CRTC3: variants seen among roughly 807,000 people sequenced by gnomAD.
The protein encoded by CRTC3 is CREB-regulated transcription coactivator 3.
CRTC3 carries 26 observed loss-of-function variants against 74.5 expected under a neutral mutation model. That is an observed-to-expected ratio of 0.35 (90% CI 0.26 to 0.48). The LOEUF is 0.48. CRTC3 is among the 20% of genes least tolerant of loss of function. The pLI is 0.99. For synonymous variants in CRTC3, 377 were observed against 325.8 expected, an observed-to-expected ratio of 1.16 and a Z score of -1.69; for missense variants, 760 against 787.3, an observed-to-expected ratio of 0.97 and a Z score of 0.41.
chr15:90,589,530 A>AAAATTTTTGTT (rs556620360), intron 2 of CRTC3, among the ~76,000 whole-genome samples: 38 of 152,174 alleles, frequency 2.5e-4, no homozygotes, highest in African/African-American at 9.2e-4. Context: ...TAATTTAACA[A>AAAATTTTTGTT]AAATTTTTGT....
At chr15:90,594,611 C>T (rs530268850) in intron 3 of CRTC3, 1 of 152,316 alleles carries the variant, frequency 6.6e-6, no homozygotes, top group African/African-American at 2.4e-5. Flanking sequence ...GCCTAGAAAC[C>T]AGGAAGTGGG....
rs1969492550 is a variant in CRTC3, at chr15:90,642,670, C to T, written c.*530C>T. The T allele has an allele frequency of 8.5e-6, 2 of 233,960 alleles. No homozygotes were observed. Among genetic ancestry groups the T allele is most frequent in the South Asian group, 3.5e-4 (2 of 5,728 alleles). The allele number at this position is 233,960 out of a possible 1,614,324, so 14.5% of individuals were successfully genotyped here. On this transcript the variant is annotated 3_prime_UTR_variant, in exon 15 of 15. Coordinates refer to ENST00000268184, the MANE Select transcript of CRTC3 (RefSeq NM_022769.5). The stretch of plus-strand genomic sequence containing the variant: ...GCTGAGTGGACCCCACGGCTCTCTC[C>T]CACGCCTGGATTACGACATGAAGTT...
chr15:90,600,755 A>G (rs1968047936), intron 3 of CRTC3: 1 of 152,230 alleles, frequency 6.6e-6, no homozygotes, highest in Admixed American at 6.5e-5. Flanking sequence ...TGTAGTTTGT[A>G]TCTTCTTTAT....
chr15:90,607,661 C>G (rs1478823885), intron 6 of CRTC3, among the ~76,000 whole-genome samples, 183 bp downstream of exon 6: 1 of 152,148 alleles, frequency 6.6e-6, no homozygotes, highest in East Asian at 1.9e-4. Flanking sequence ...CCCAGCGTCC[C>G]CTGCCTCTGC....
chr15:90,547,863 T>G lies in CRTC3; in HGVS notation c.231+7726T>G, dbSNP rs903940424. Among the ~76,000 whole-genome samples the G allele has an allele frequency of 8.6e-5, 13 of 151,110 alleles. No homozygotes were observed. The East Asian group carries it at 2.5e-3, about 29-fold the overall frequency. ...GGGCTTCTCTCTGTATAGGGCTTTG[T>G]AGGTATAGTTGTAGCTTTTCGTATC... On this transcript the variant is annotated intron_variant, in intron 2 of 14. Transcript: ENST00000268184.
chr15:90,602,242 G>GT (rs1399294177), intron 3 of CRTC3, 82 bp from the exon 4 acceptor site: 1 of 837,990 alleles, frequency 1.2e-6, no homozygotes, highest in African/African-American at 1.7e-5. Context: ...AAACTCAGTT[G>GT]TTTAACTCTC....
chr15:90,534,907 C>T (rs1966691478), intron 1 of CRTC3, among the ~76,000 whole-genome samples: 2 of 152,144 alleles, frequency 1.3e-5, no homozygotes, highest in African/African-American at 2.4e-5. Context: ...CGCCTGTAAT[C>T]CCAGCACTTT....
chr15:90,567,102 G>A (rs917194766), intron 2 of CRTC3, among the ~76,000 whole-genome samples: 2 of 152,096 alleles, frequency 1.3e-5, no homozygotes, highest in African/African-American at 2.4e-5. Flanking sequence ...AGGACACTTC[G>A]ATTCTGTTGT....
At chr15:90,540,770 C>CA (rs905225726) in intron 2 of CRTC3, among the ~76,000 whole-genome samples, 7 of 147,750 alleles carry the variant, frequency 4.7e-5, no homozygotes, top group South Asian at 2.1e-4. Flanking sequence ...GAGACTGTCT[C>CA]AAAAAAAAAT....
chr15:90,585,441 A>G (rs573570630), intron 2 of CRTC3, among the ~76,000 whole-genome samples: 39 of 147,188 alleles, frequency 2.6e-4, no homozygotes, highest in South Asian at 6.9e-4. Context: ...CATGGTGCCC[A>G]GTCTGGAAAA....
chr15:90,587,820 C>G (rs1277651327), intron 2 of CRTC3, among the ~76,000 whole-genome samples: 1 of 151,960 alleles, frequency 6.6e-6, no homozygotes, highest in Non-Finnish European at 1.5e-5. Flanking sequence ...TGCCATATTG[C>G]CAAGGCTGGT....
At chr15:90,535,906 G>C (rs988036697) in intron 1 of CRTC3, among the ~76,000 whole-genome samples, 1 of 152,306 alleles carries the variant, frequency 6.6e-6, no homozygotes, top group East Asian at 1.9e-4. Context: ...TGCAGAGCTG[G>C]TAAGTGGTAG....
intron 2 of CRTC3, among the ~76,000 whole-genome samples, chr15:90,571,051 A>G (rs1184861796): frequency 6.6e-6 from 1 of 152,192 alleles, no homozygotes; most frequent in African/African-American, 2.4e-5. Flanking sequence ...ATTGTCCATA[A>G]TGTGGTTATA....
At chr15:90,550,386 G>A (rs1451655666) in intron 2 of CRTC3, among the ~76,000 whole-genome samples, 1 of 150,766 alleles carries the variant, frequency 6.6e-6, no homozygotes, top group African/African-American at 2.4e-5. Flanking sequence ...CTCCAGCCTG[G>A]GCAACAAGAG....
At chr15:90,560,504 C>T (rs779759732) in intron 2 of CRTC3, among the ~76,000 whole-genome samples, 4 of 152,238 alleles carry the variant, frequency 2.6e-5, no homozygotes, top group East Asian at 1.9e-4. Flanking sequence ...TCCTCAGCTA[C>T]GCAGCATGAT....
At chr15:90,595,185 CAT>C (rs1156391628) in intron 3 of CRTC3, 9 of 152,226 alleles carry the variant, frequency 5.9e-5, no homozygotes, top group African/African-American at 2.2e-4. Flanking sequence ...CAAATTTGTA[CAT>C]GTCAGGATGG....
chr15:90,592,115 A>G (rs1047111423), intron 2 of CRTC3, among the ~76,000 whole-genome samples: 1 of 152,234 alleles, frequency 6.6e-6, no homozygotes, highest in Non-Finnish European at 1.5e-5. Context: ...CCAAAATGAG[A>G]AAATCCATGT....
chr15:90,546,566 C>G (rs950772647), intron 2 of CRTC3, among the ~76,000 whole-genome samples: 1 of 152,154 alleles, frequency 6.6e-6, no homozygotes, highest in Non-Finnish European at 1.5e-5. Context: ...CATTCCTTTG[C>G]TTTTCCATAA....
At chr15:90,549,505 A>G (rs1005941997) in intron 2 of CRTC3, among the ~76,000 whole-genome samples, 2 of 152,160 alleles carry the variant, frequency 1.3e-5, no homozygotes, top group Middle Eastern at 3.2e-3. Flanking sequence ...GCTGGGTACC[A>G]TGGCTCACGC....
Sources: allele counts gnomAD v4.1 joint callset (sites outside exome capture counted in the v4.1 genomes callset), GRCh38; gene constraint gnomAD v4.1.1; transcripts MANE v1.5; gene names NCBI Gene and HGNC (gene_info 2026-07-23, HGNC 2026-07-21).